DPP6: variants seen among roughly 807,000 people sequenced by gnomAD.
DPP6 encodes the protein dipeptidyl peptidase like 6, also known as A-type potassium channel modulatory protein DPP6.
Under a neutral mutation model 122.6 loss-of-function variants are expected in DPP6, and 69 were observed. The ratio of observed to expected loss-of-function variants is 0.56; its 90% CI spans 0.46 to 0.69. The LOEUF (loss-of-function observed/expected upper bound fraction) is 0.69, where lower values mean the gene tolerates loss of function less well. Ranked by LOEUF, DPP6 falls within the 30% of genes least tolerant of loss-of-function variation. DPP6 has a pLI of 0.00. For missense variants in DPP6, 928 were observed against 1,116.9 expected (o/e 0.83, Z 2.41); for synonymous variants, 418 against 433.1 (o/e 0.97, Z 0.43).
At chr7:154,587,910 C>T (rs1017726471) in intron 5 of DPP6, 3 of 1,612,782 alleles carry the variant, frequency 1.9e-6, no homozygotes, top group East Asian at 2.2e-5. Context: ...GCAGGAGAGT[C>T]CCAGGAGGCA....
At position 154,892,659 on chromosome 7, in the gene DPP6, T is replaced by G; in HGVS notation, c.*179T>G. ...TGGGAAACAAGCTCCTTCCCCGGGG[T>G]CATCACTCACGGCCTCCATGGCACC... On this transcript the variant is annotated 3_prime_UTR_variant, in exon 26 of 26. Transcript: ENST00000377770. 1 of 1,295,236 alleles carries G rather than the reference T, an allele frequency of 7.7e-7. No homozygotes were observed. The highest frequency in any genetic ancestry group is 1.5e-5 in the African/African-American group (1 of 68,394). 80.2% of individuals were successfully genotyped at this position (1,295,236 alleles called of 1,614,324 possible). A position where few individuals can be genotyped will look rare whatever the true frequency, so the allele number is the denominator to read the frequency against.
intron 1 of DPP6, among the ~76,000 whole-genome samples, chr7:154,347,969 C>T (rs554710192): frequency 6.6e-6 from 1 of 152,264 alleles, no homozygotes; most frequent in Admixed American, 6.5e-5. Context: ...GCTTTGAAAA[C>T]GTTGAAATCA....
intron 1 of DPP6, among the ~76,000 whole-genome samples, chr7:154,093,405 A>G (rs1180787908): frequency 6.9e-6 from 1 of 144,938 alleles, no homozygotes; most frequent in Admixed American, 7.1e-5. Flanking sequence ...CCTACATACC[A>G]CATCCTACAC....
intron 1 of DPP6, among the ~76,000 whole-genome samples, chr7:154,337,036 A>G (rs2151051378): frequency 6.6e-6 from 1 of 152,334 alleles, no homozygotes; most frequent in Admixed American, 6.5e-5. Flanking sequence ...GTAGAAAAGG[A>G]GAAGCATTTA....
intron 1 of DPP6, among the ~76,000 whole-genome samples, chr7:154,175,132 T>G (rs1797732427): frequency 6.6e-6 from 1 of 152,058 alleles, no homozygotes; most frequent in Non-Finnish European, 1.5e-5. Context: ...GAATTATTCT[T>G]TATACTTAAT....
intron 2 of DPP6, among the ~76,000 whole-genome samples, chr7:154,464,439 G>A (rs953185556): frequency 6.6e-5 from 10 of 152,150 alleles, no homozygotes; most frequent in South Asian, 4.1e-4. Flanking sequence ...GGTTCTTTAC[G>A]AGCTGCTTTT....
At chr7:154,255,894 C>T (rs932140353) in intron 1 of DPP6, among the ~76,000 whole-genome samples, 2 of 152,202 alleles carry the variant, frequency 1.3e-5, no homozygotes, top group African/African-American at 4.8e-5. Flanking sequence ...TTATTTTACT[C>T]ACCCCTCTTA....
intron 7 of DPP6, among the ~76,000 whole-genome samples, chr7:154,718,589 G>A (rs1015125397): frequency 6.6e-6 from 1 of 150,622 alleles, no homozygotes; most frequent in Admixed American, 6.6e-5. Context: ...CCCACAGTGA[G>A]GTCCTCTTTA....
rs1455724020 is a variant in DPP6 at position 154,241,882 on chromosome 7, A to G, written c.243+188819A>G. On this transcript the variant is annotated intron_variant, in intron 1 of 25. Transcript: ENST00000377770. The surrounding 1 kb of genome is among the most constrained non-coding windows in gnomAD (Gnocchi z 9.0). ...TGCTTTTCCACCCACCCCTACCCCAACACTCATCCTACTTACCTTCCTCTG... is the reference window on the plus strand; with the variant it reads ...TGCTTTTCCACCCACCCCTACCCCAGCACTCATCCTACTTACCTTCCTCTG... Among the ~76,000 whole-genome samples the G allele has an allele frequency of 6.6e-6, 1 of 152,088 alleles. No individual in the cohort carries two copies. The highest frequency in any genetic ancestry group is 2.4e-5 in the African/African-American group (1 of 41,430).
chr7:154,535,398 T>TA (rs1491517967), intron 3 of DPP6, among the ~76,000 whole-genome samples: 2 of 146,928 alleles, frequency 1.4e-5, no homozygotes, highest in Non-Finnish European at 3.0e-5. Flanking sequence ...TTTTTTTTTT[T>TA]ATTATTATAC....
At chr7:154,608,341 A>ATATATTTTTT (rs1468792635) in intron 5 of DPP6, among the ~76,000 whole-genome samples, 1 of 123,196 alleles carries the variant, frequency 8.1e-6, no homozygotes, top group African/African-American at 2.8e-5. Flanking sequence ...ATATATATAT[A>ATATATTTTTT]TTTTGAGATG....
chr7:153,927,385 T>C (rs1800950561), intron 1 of DPP6, among the ~76,000 whole-genome samples: 1 of 152,230 alleles, frequency 6.6e-6, no homozygotes, highest in South Asian at 2.1e-4. Context: ...TGTGATGTTG[T>C]GATACATGTA....
intron 17 of DPP6, among the ~76,000 whole-genome samples, chr7:154,864,014 G>T (rs1484196961): frequency 6.6e-6 from 1 of 152,120 alleles, no homozygotes; most frequent in Non-Finnish European, 1.5e-5. Context: ...GCAGGGGAAG[G>T]TGCACGTGAG....
intron 5 of DPP6, among the ~76,000 whole-genome samples, chr7:154,608,341 A>ATATATATATATATATATATATATT (rs1468792635): frequency 8.1e-6 from 1 of 123,196 alleles, no homozygotes; most frequent in Non-Finnish European, 1.7e-5. Flanking sequence ...ATATATATAT[A>ATATATATATATATATATATATATT]TTTTGAGATG....
chr7:154,320,001 AATATAT>A (rs71182894), intron 1 of DPP6, among the ~76,000 whole-genome samples: 2,344 of 139,146 alleles, frequency 0.017, 36 homozygotes, highest in African/African-American at 0.03. Flanking sequence ...AAATATTTCA[AATATAT>A]ATATATATAT....
chr7:153,858,346 G>A, the DPP6 span, among the ~76,000 whole-genome samples: 1 of 152,192 alleles, frequency 6.6e-6, no homozygotes, highest in Non-Finnish European at 1.5e-5. Flanking sequence ...GCTGGGGCAG[G>A]GTGAAGGGAA....
At chr7:154,581,418 C>A (rs944283551) in intron 5 of DPP6, among the ~76,000 whole-genome samples, 1 of 152,136 alleles carries the variant, frequency 6.6e-6, no homozygotes, top group Admixed American at 6.5e-5. Context: ...CCATGGTCCT[C>A]CCCCACTTCC....
chr7:154,140,468 GTTT>G (rs1413827399), intron 1 of DPP6, among the ~76,000 whole-genome samples: 4 of 87,158 alleles, frequency 4.6e-5, no homozygotes, highest in Non-Finnish European at 1.1e-4. Flanking sequence ...TTTGGGGTTT[GTTT>G]GTTTGTTTAT....
intron 5 of DPP6, among the ~76,000 whole-genome samples, chr7:154,575,469 T>TGTGTGTGAGCGGGTGTAG: frequency 3.7e-5 from 1 of 27,358 alleles, no homozygotes; most frequent in South Asian, 1.5e-3. Context: ...NGCGGGTGTA[T>TGTGTGTGAGCGGGTGTAG]GTGTGTGGTG....
Sources: allele counts gnomAD v4.1 joint callset (sites outside exome capture counted in the v4.1 genomes callset), GRCh38; gene constraint gnomAD v4.1.1; non-coding constraint Gnocchi (gnomAD v3.1); transcripts MANE v1.5; gene names NCBI Gene and HGNC (gene_info 2026-07-23, HGNC 2026-07-21).